Variants in FRMD1 observed in about 807,000 individuals in gnomAD.
FRMD1 encodes the protein FERM domain-containing protein 1.
FRMD1 carries 51 observed loss-of-function variants against 54.9 expected under a neutral mutation model. The ratio of observed to expected loss-of-function variants is 0.93; its 90% CI spans 0.74 to 1.17. The LOEUF (loss-of-function observed/expected upper bound fraction) is 1.17. Among genes scored for constraint, FRMD1 ranks in the 50% most tolerant of loss-of-function variants. The pLI, the probability that FRMD1 is intolerant of heterozygous loss-of-function variation, is 0.00. For synonymous variants in FRMD1, 324 were observed against 306.4 expected (o/e 1.06, Z -0.60); for missense variants, 729 against 743.0 (o/e 0.98, Z 0.22).
In FRMD1 at chr6:168,059,206, C is replaced by G. The variant is rs758650150; in HGVS notation, c.1343-18G>C. 1.0e-5 allele frequency: 16 copies of G among 1,571,016 alleles called. No individual in the cohort carries two copies. The African/African-American group carries it at 1.3e-4, about 13-fold the overall frequency. ...ACGAGTGGCTGTGGGAGGAGGCAGC[C>G]GTGAGCACAGGTGTCTGGGTTCTGC... On this transcript the variant is annotated intron_variant, in intron 9 of 10. Coordinates refer to ENST00000283309, the MANE Select transcript of FRMD1 (RefSeq NM_024919.6). The surrounding 1 kb of genome is among the most constrained non-coding windows in gnomAD (Gnocchi z 4.4).
At chr6:168,062,548 C>G (rs949724419) in intron 7 of FRMD1, 13 of 1,040,548 alleles carry the variant, frequency 1.2e-5, no homozygotes, top group Non-Finnish European at 1.4e-6. Context: ...CCCTGATGCC[C>G]CCGAGAGGCC....
chr6:168,072,820 T>A (rs1800377485), intron 2 of FRMD1, among the ~76,000 whole-genome samples: 1 of 152,174 alleles, frequency 6.6e-6, no homozygotes, highest in African/African-American at 2.4e-5. Context: ...AATTTTCTTT[T>A]CATTTCTAAA....
intron 1 of FRMD1, among the ~76,000 whole-genome samples, chr6:168,077,285 G>A (rs1800640230): frequency 6.6e-6 from 1 of 151,536 alleles, no homozygotes. Context: ...CTCCGATGGG[G>A]GGGGGTTCTT....
At chr6:168,073,318 A>C (rs529820767) in intron 2 of FRMD1, among the ~76,000 whole-genome samples, 4 of 150,042 alleles carry the variant, frequency 2.7e-5, no homozygotes, top group African/African-American at 9.8e-5. Flanking sequence ...CTGCCTGGAG[A>C]GTCTGACACA....
upstream of FRMD1, among the ~76,000 whole-genome samples, chr6:168,085,316 G>A (rs1316984348): frequency 2.4e-4 from 36 of 152,210 alleles, no homozygotes; most frequent in Admixed American, 2.0e-3. Flanking sequence ...AGTGGCAGCC[G>A]CCTGGCTCAG....
intron 7 of FRMD1, 48 bp from the exon 8 acceptor site, chr6:168,062,029 C>G (rs755555455): frequency 1.3e-6 from 2 of 1,537,056 alleles, no homozygotes; most frequent in Non-Finnish European, 1.8e-6. Flanking sequence ...GAAAACCACG[C>G]TAGCCACAGG....
chr6:168,085,410 G>C (rs1484871669), upstream of FRMD1, among the ~76,000 whole-genome samples: 1 of 152,202 alleles, frequency 6.6e-6, no homozygotes, highest in Non-Finnish European at 1.5e-5. Context: ...GGACATCGGA[G>C]GAGCCCTCTC....
intron 8 of FRMD1, 44 bp downstream of exon 8, chr6:168,061,763 G>T: frequency 6.6e-7 from 1 of 1,508,850 alleles, no homozygotes. Flanking sequence ...AGCCCAGAAG[G>T]CACAGTCCGG....
At chr6:168,062,823 T>G (rs1042660559) in intron 7 of FRMD1, 71 bp downstream of exon 7, 11 of 1,600,568 alleles carry the variant, frequency 6.9e-6, no homozygotes, top group Non-Finnish European at 8.6e-6. Context: ...CAGCCCAGAC[T>G]CCAGTGGGGA....
At chr6:168,066,011 C>T in intron 4 of FRMD1, 1 of 1,000,192 alleles carries the variant, frequency 1.0e-6, no homozygotes, top group Non-Finnish European at 1.2e-6. Flanking sequence ...GTTTAGAGTG[C>T]AGCCCACCAG....
chr6:168,061,725 TC>T, intron 8 of FRMD1, 81 bp downstream of exon 8: 3 of 1,380,248 alleles, frequency 2.2e-6, no homozygotes, highest in Admixed American at 2.2e-5. Context: ...GAAGGCATAG[TC>T]CGGCCAGAGC....
upstream of FRMD1, chr6:168,081,860 G>A (rs1800837894): frequency 3.6e-6 from 1 of 276,040 alleles, no homozygotes; most frequent in Non-Finnish European, 6.7e-6. Context: ...GTTCCTAAAT[G>A]CTCTGAAGTT....
rs547769830 is a variant in FRMD1, at chr6:168,067,507, T to G, written c.305-61A>C. 4.2e-5 allele frequency: 41 copies of G among 969,024 alleles called. No individual in the cohort carries two copies. The African/African-American group carries it at 6.2e-4, about 15-fold the overall frequency. The allele number at this position is 969,024 out of a possible 1,614,324, so 60.0% of individuals were successfully genotyped here. ...ACCATGCTTCTCAGGTGTCACCGTG[T>G]GTTCAAAACTGAGTGTGGCTTGGAG... On this transcript the variant is annotated intron_variant, in intron 2 of 10. Coordinates refer to ENST00000283309, the MANE Select transcript of FRMD1 (RefSeq NM_024919.6).
At chr6:168,075,679 G>C (rs575212566) in intron 1 of FRMD1, 3 of 1,355,010 alleles carry the variant, frequency 2.2e-6, no homozygotes. Context: ...TCTGGGCTCT[G>C]TCCTCGCACG....
At chr6:168,075,829 G>A in intron 1 of FRMD1, 4 of 1,541,940 alleles carry the variant, frequency 2.6e-6, no homozygotes, top group Non-Finnish European at 3.5e-6. Context: ...AGCGTCTGGT[G>A]CGTGTCCCTG....
In FRMD1 at chr6:168,066,226, C is replaced by T. The variant is rs182027876; in HGVS notation, c.461+529G>A. The T allele has an allele frequency of 1.7e-4, 168 of 988,114 alleles. No homozygotes were observed. The African/African-American group carries it at 2.6e-3, about 15-fold the overall frequency. 61.2% of individuals were successfully genotyped at this position (988,114 alleles called of 1,614,324 possible). A position where few individuals can be genotyped will look rare whatever the true frequency, so the allele number is the denominator to read the frequency against. On this transcript the variant is annotated intron_variant, in intron 4 of 10. Transcript: ENST00000283309. ...AGGAAGTACCACTTTAGGCCGGGCA[C>T]GGTGGCTCACACCTGTAATCCCAGC...
Position 168,061,702 on chromosome 6 carries a change from A to G in FRMD1, c.1045+105T>C, listed in dbSNP as rs1799742687. Reference sequence around the variant, plus strand: ...GGGACGTGGGAGTCAGGAGGCCACAACAATAAGAGACAGAAGGCATAGTCC... The same window carrying G: ...GGGACGTGGGAGTCAGGAGGCCACAGCAATAAGAGACAGAAGGCATAGTCC... On this transcript the variant is annotated intron_variant, in intron 8 of 10. Transcript: ENST00000283309. 3.2e-6 allele frequency: 4 copies of G among 1,242,296 alleles called. No homozygotes were observed. The African/African-American group carries it at 4.5e-5, about 14-fold the overall frequency. The allele number at this position is 1,242,296 out of a possible 1,614,324, so 77.0% of individuals were successfully genotyped here.
At chr6:168,067,231 TCTCTCCCAACCCACGCATCCCCGCG>T in intron 3 of FRMD1, 111 bp downstream of exon 3, 3 of 651,558 alleles carry the variant, frequency 4.6e-6, no homozygotes, top group Non-Finnish European at 8.3e-6. Context: ...GGTGCCCTGC[TCTCTCCCAACCCACGCATCCCCGCG>T]GTCCCCCACA....
upstream of FRMD1, among the ~76,000 whole-genome samples, chr6:168,086,336 C>A (rs941702520): frequency 2.0e-5 from 3 of 151,180 alleles, no homozygotes; most frequent in African/African-American, 7.3e-5. Flanking sequence ...TGTGGACACC[C>A]GTGTGGACAC....
Sources: allele counts gnomAD v4.1 joint callset (sites outside exome capture counted in the v4.1 genomes callset), GRCh38; gene constraint gnomAD v4.1.1; non-coding constraint Gnocchi (gnomAD v3.1); transcripts MANE v1.5; gene names NCBI Gene and HGNC (gene_info 2026-07-23, HGNC 2026-07-21).